RELB: variants seen among roughly 807,000 people sequenced by gnomAD.
RELB encodes transcription factor RelB.
In RELB, 14 loss-of-function variants were observed where a neutral mutation model predicts 55.4. The observed-to-expected ratio is 0.25, with a 90% confidence interval of 0.17 to 0.40. RELB has a LOEUF of 0.40. Ranked by LOEUF, RELB falls within the 10% of genes least tolerant of loss-of-function variation. The pLI is 1.00. For missense variants in RELB, 669 were observed against 830.7 expected (o/e 0.81, Z 2.39); for synonymous variants, 409 against 371.3 (o/e 1.10, Z -1.17).
chr19:45,003,072 GTT>G, intron 2 of RELB, 76 bp downstream of exon 2: 4 of 1,423,128 alleles, frequency 2.8e-6, no homozygotes, highest in Non-Finnish European at 3.9e-6. Context: ...AGATGTCTCT[GTT>G]TGGGGGTTCA....
intron 4 of RELB, among the ~76,000 whole-genome samples, chr19:45,017,466 A>AAACCC: frequency 6.7e-6 from 1 of 149,858 alleles, no homozygotes; most frequent in Admixed American, 6.6e-5. Flanking sequence ...AAAAAAAACA[A>AAACCC]TTCTGGAAAT....
At chr19:45,034,880 G>A (rs555867409) in intron 11 of RELB, among the ~76,000 whole-genome samples, 21 of 147,144 alleles carry the variant, frequency 1.4e-4, no homozygotes, top group Non-Finnish European at 3.0e-4. Context: ...TCGCTCTGTC[G>A]CCCAGACTGC....
intron 8 of RELB, among the ~76,000 whole-genome samples, chr19:45,031,313 C>A (rs1250821543): frequency 6.6e-6 from 1 of 150,926 alleles, no homozygotes; most frequent in African/African-American, 2.4e-5. Flanking sequence ...CTTGTAGAGA[C>A]AAGGTCTTGC....
At position 45,012,026 on chromosome 19, in the gene RELB, G is replaced by C; in HGVS notation, c.254G>C (p.Arg85Pro). Residue 85 changes from arginine to proline, a missense_variant, in exon 4 of 12, where the codon CGC (arginine) becomes CCC (proline). Around this residue, in one of 3 missense-constraint regions of RELB, gnomAD observed 323 missense variants for 368.5 expected, o/e 0.88. Coordinates refer to ENST00000221452, the MANE Select transcript of RELB (RefSeq NM_006509.4). ...PGEGLPRLVS[R>P]GAASLSTVTL... ...GAGGGGCTGCCACGCCTGGTGTCTCGCGGGGCTGCGTCCCTGAGCACGGTC... is the reference window on the plus strand; with the variant it reads ...GAGGGGCTGCCACGCCTGGTGTCTCCCGGGGCTGCGTCCCTGAGCACGGTC... 6.4e-7 allele frequency: 1 copy of C among 1,571,484 alleles called. No homozygotes were observed. Among genetic ancestry groups the C allele is most frequent in the Non-Finnish European group, 8.6e-7 (1 of 1,162,670 alleles).
chr19:45,016,669 A>G (rs1371901602), intron 4 of RELB, among the ~76,000 whole-genome samples: 1 of 152,162 alleles, frequency 6.6e-6, no homozygotes, highest in Non-Finnish European at 1.5e-5. Context: ...GAAAAAGGAA[A>G]AACAATTATG....
intron 2 of RELB, chr19:45,008,570 A>C (rs1770880993): frequency 2.2e-6 from 1 of 455,924 alleles, no homozygotes; most frequent in Admixed American, 2.4e-5. Context: ...CAGTATCCCC[A>C]TCTGCCAAAT....
At chr19:45,031,679 C>A (rs2122486359) in intron 8 of RELB, among the ~76,000 whole-genome samples, 1 of 151,966 alleles carries the variant, frequency 6.6e-6, no homozygotes, top group South Asian at 2.1e-4. Context: ...GGGTTCACGC[C>A]ATTCTCCTGC....
chr19:45,035,431 T>C (rs1722299641), intron 11 of RELB, among the ~76,000 whole-genome samples: 1 of 151,522 alleles, frequency 6.6e-6, no homozygotes, highest in African/African-American at 2.4e-5. Context: ...GGCAGACAAA[T>C]CACTTGAACC....
chr19:45,006,446 C>T (rs535717868), intron 2 of RELB, among the ~76,000 whole-genome samples: 1 of 151,742 alleles, frequency 6.6e-6, no homozygotes, highest in Non-Finnish European at 1.5e-5. Context: ...TCCACTGATC[C>T]AGCCACCTCG....
At position 45,021,731 on chromosome 19, in the gene RELB, T is replaced by A. The variant is rs753077433; in HGVS notation, c.505-322T>A. The A allele has an allele frequency of 1.4e-5, 3 of 206,956 alleles. No homozygotes were observed. The South Asian group carries it at 3.2e-4, about 22-fold the overall frequency. 12.8% of individuals were successfully genotyped at this position (206,956 alleles called of 1,614,324 possible). A position where few individuals can be genotyped will look rare whatever the true frequency, so the allele number is the denominator to read the frequency against. On this transcript the variant is annotated intron_variant, in intron 4 of 11. Coordinates refer to ENST00000221452, the MANE Select transcript of RELB (RefSeq NM_006509.4). Reference sequence around the variant, plus strand: ...GTGGGATTACAGGCATGCGCCACCATGCCGGGCTAATTTTTGTATTTTCAG... The same window carrying A: ...GTGGGATTACAGGCATGCGCCACCAAGCCGGGCTAATTTTTGTATTTTCAG...
intron 2 of RELB, among the ~76,000 whole-genome samples, chr19:45,005,510 G>A (rs957167488): frequency 6.6e-6 from 1 of 152,168 alleles, no homozygotes; most frequent in Non-Finnish European, 1.5e-5. Context: ...CATTGAAGAA[G>A]TGAGGCCGGT....
At chr19:45,032,947 G>T (rs1402315069) in intron 9 of RELB, among the ~76,000 whole-genome samples, 198 bp downstream of exon 9, 2 of 152,166 alleles carry the variant, frequency 1.3e-5, no homozygotes, top group African/African-American at 2.4e-5. Flanking sequence ...GTGCAAAATG[G>T]AAATAATAGT....
Position 45,034,325 on chromosome 19 carries a change from T to C in RELB, c.1276+13T>C. 1 of 1,613,246 alleles carries C rather than the reference T, an allele frequency of 6.2e-7. No homozygotes were observed. The highest frequency in any genetic ancestry group is 2.2e-5 in the East Asian group (1 of 44,880). On this transcript the variant is annotated intron_variant, in intron 10 of 11. Coordinates refer to ENST00000221452, the MANE Select transcript of RELB (RefSeq NM_006509.4). ...CTGAACAGCTCTGGTGTGTGCCCTC[T>C]GCCCCTTTCCACCCCCATCCCCAGG... is the stretch of plus-strand genomic sequence containing the variant.
At position 45,022,166 on chromosome 19, in the gene RELB, C is replaced by T. The variant is rs1214438220; in HGVS notation, c.618C>T (p.Gly206=). 4 of 1,612,002 alleles carry T rather than the reference C, an allele frequency of 2.5e-6. No homozygotes were observed. The African/African-American group carries it at 5.3e-5, about 22-fold the overall frequency. The change falls in exon 5 of 12, where the codon GGC becomes GGT. Residue 206 remains glycine, a synonymous_variant. Transcript: ENST00000221452. The part of the protein sequence containing the change: ...HSLVGKDCTD[G]ICRVRLRPHV... Reference sequence around the variant, plus strand: ...TCGTGGGGAAAGACTGCACCGACGGCATCTGCAGGGTGCGGCTCCGGCCTC... The same window carrying T: ...TCGTGGGGAAAGACTGCACCGACGGTATCTGCAGGGTGCGGCTCCGGCCTC...
intron 3 of RELB, among the ~76,000 whole-genome samples, chr19:45,011,507 C>A (rs981130244): frequency 1.5e-4 from 23 of 151,094 alleles, no homozygotes; most frequent in Non-Finnish European, 2.8e-4. Flanking sequence ...CCCAGGCTGG[C>A]GTGCAGTGTC....
intron 11 of RELB, among the ~76,000 whole-genome samples, chr19:45,035,518 A>AAAC (rs545018482): frequency 8.4e-4 from 128 of 151,612 alleles, no homozygotes; most frequent in African/African-American, 2.7e-3. Flanking sequence ...ACCCTTCTCA[A>AAAC]AACAACAACA....
At chr19:45,031,003 C>A (rs1407577660) in intron 8 of RELB, among the ~76,000 whole-genome samples, 4 of 152,086 alleles carry the variant, frequency 2.6e-5, no homozygotes, top group Non-Finnish European at 5.9e-5. Context: ...CCTAATAGTA[C>A]CTTCTTCATA....
rs1466241485 is a variant in RELB, at chr19:45,012,358, T to C, written c.504+82T>C. ...AGCCATCCACATGCATTTATACGTT[T>C]ATTTGATGGTGGCTGTTGTTGTTAT... On this transcript the variant is annotated intron_variant, in intron 4 of 11. Coordinates refer to ENST00000221452, the MANE Select transcript of RELB (RefSeq NM_006509.4). 5.0e-6 allele frequency: 4 copies of C among 796,556 alleles called. No individual in the cohort carries two copies. The East Asian group carries it at 1.3e-4, about 27-fold the overall frequency. 49.3% of individuals were successfully genotyped at this position (796,556 alleles called of 1,614,324 possible).
intron 4 of RELB, among the ~76,000 whole-genome samples, chr19:45,012,746 G>GAAA (rs145397577): frequency 1.4e-5 from 2 of 142,210 alleles, no homozygotes; most frequent in Non-Finnish European, 1.5e-5. Context: ...CAAAAAAAAA[G>GAAA]AAAAAAAAAA....
Sources: gnomAD v4.1 joint callset for allele counts (sites outside exome capture counted in the v4.1 genomes callset) on GRCh38, gnomAD v4.1.1 for gene constraint, gnomAD v4.1.1 regional missense constraint, MANE v1.5 for transcripts, NCBI Gene and HGNC (gene_info 2026-07-23, HGNC 2026-07-21) for gene names.